DLG2: variants seen among roughly 807,000 people sequenced by gnomAD.
DLG2 encodes the protein disks large homolog 2.
In DLG2, 45 loss-of-function variants were observed where a neutral mutation model predicts 132.5. That is an observed-to-expected ratio of 0.34 (90% CI 0.27 to 0.44). The LOEUF (loss-of-function observed/expected upper bound fraction) is 0.44. DLG2 is among the 20% of genes least tolerant of loss of function. DLG2 has a pLI of 1.00. For synonymous variants in DLG2, 424 were observed against 419.6 expected, an observed-to-expected ratio of 1.01 and a Z score of -0.13; for missense variants, 1,045 against 1,196.9, an observed-to-expected ratio of 0.87 and a Z score of 1.87.
intron 6 of DLG2, among the ~76,000 whole-genome samples, chr11:85,054,955 G>A (rs530196637): frequency 4.1e-4 from 62 of 152,144 alleles, no homozygotes; most frequent in Admixed American, 4.6e-4. Flanking sequence ...CAGTACGAAC[G>A]CAGCATCATG....
chr11:83,939,479 A>G (rs2082190583), intron 14 of DLG2, among the ~76,000 whole-genome samples: 1 of 152,236 alleles, frequency 6.6e-6, no homozygotes, highest in Admixed American at 6.5e-5. Context: ...CAAAAGAGAA[A>G]GGAAAGTGTG....
chr11:84,092,309 A>G (rs974614294), intron 10 of DLG2, among the ~76,000 whole-genome samples: 1 of 152,230 alleles, frequency 6.6e-6, no homozygotes, highest in African/African-American at 2.4e-5. Context: ...AGCTGGCTCT[A>G]TAGATAACAG....
chr11:84,988,363 C>A lies in DLG2; in HGVS notation c.357+123298G>T, dbSNP rs115819137. 9.6e-3 allele frequency among the ~76,000 whole-genome samples: 1,465 copies of A among 152,246 alleles called. 23 individuals are homozygous for A. The highest frequency in any genetic ancestry group is 0.033 in the African/African-American group (1,388 of 41,534). Reference sequence around the variant, plus strand: ...TTTGATCCAGCGATCCCACTACTGGCTATCTACCCAGAGGAAAAGAAGTCG... The same window carrying A: ...TTTGATCCAGCGATCCCACTACTGGATATCTACCCAGAGGAAAAGAAGTCG... On this transcript the variant is annotated intron_variant, in intron 6 of 27. Transcript: ENST00000376104.
At chr11:85,198,031 G>A (rs964773026) in intron 4 of DLG2, among the ~76,000 whole-genome samples, 7 of 151,968 alleles carry the variant, frequency 4.6e-5, no homozygotes, top group African/African-American at 7.3e-5. Flanking sequence ...ACAGACGAAC[G>A]ACATGCATTC....
At chr11:84,738,472 T>A (rs11234153) in intron 6 of DLG2, among the ~76,000 whole-genome samples, 3,115 of 152,258 alleles carry the variant, frequency 0.02, 44 homozygotes, top group Non-Finnish European at 0.033. Flanking sequence ...CCTTCTTGAT[T>A]TCAATATACT....
chr11:84,990,283 TA>T lies in DLG2; in HGVS notation c.357+121377del, dbSNP rs569050467. ...ATGCTTTGAATGTTTGTAGCCCTCT[TA>T]AATTCATTTTGAAACTTAATCCCCA... On this transcript the variant is annotated intron_variant, in intron 6 of 27. Coordinates refer to ENST00000376104, the MANE Select transcript of DLG2 (RefSeq NM_001142699.3). 5.9e-5 allele frequency among the ~76,000 whole-genome samples: 9 copies of T among 152,358 alleles called. No homozygotes were observed. In the South Asian group the frequency reaches 1.4e-3, roughly 25 times the overall value.
chr11:84,806,377 G>T (rs1313274509), intron 6 of DLG2, among the ~76,000 whole-genome samples: 1 of 152,042 alleles, frequency 6.6e-6, no homozygotes, highest in Non-Finnish European at 1.5e-5. Flanking sequence ...TGCAGGCAAT[G>T]ATACATTATA....
At chr11:84,180,028 T>C (rs1206712037) in intron 8 of DLG2, among the ~76,000 whole-genome samples, 3 of 152,108 alleles carry the variant, frequency 2.0e-5, no homozygotes, top group Non-Finnish European at 4.4e-5. Context: ...CCAGGCATAC[T>C]AAAAATTAAA....
intron 3 of DLG2, among the ~76,000 whole-genome samples, chr11:85,463,989 T>TACACACACACACACAC (rs374003945): frequency 0.067 from 9,289 of 138,798 alleles, 336 homozygotes; most frequent in Non-Finnish European, 0.077. Flanking sequence ...GACATACATG[T>TACACACACACACACAC]ACACACACAC....
intron 6 of DLG2, among the ~76,000 whole-genome samples, chr11:84,632,685 T>C (rs1296126370): frequency 1.3e-5 from 2 of 152,222 alleles, no homozygotes; most frequent in African/African-American, 4.8e-5. Context: ...TCTAATACGC[T>C]TAAGCCATCC....
rs1481729308 is a variant in DLG2 at position 83,876,701 on chromosome 11, A to T, written c.1497-2213T>A. On this transcript the variant is annotated intron_variant, in intron 15 of 27. Coordinates refer to ENST00000376104, the MANE Select transcript of DLG2 (RefSeq NM_001142699.3). ...ATCAACAGCTTGCAAATGTGGAGCC[A>T]GAGTCCAAACTAAAGCCTACCTTAT... 2.0e-5 allele frequency among the ~76,000 whole-genome samples: 3 copies of T among 152,136 alleles called. No homozygotes were observed. In the East Asian group the frequency reaches 5.8e-4, roughly 29 times the overall value.
intron 6 of DLG2, among the ~76,000 whole-genome samples, chr11:85,033,386 C>CAAAAAAA: frequency 1.2e-5 from 1 of 80,878 alleles, no homozygotes; most frequent in Non-Finnish European, 2.6e-5. Context: ...TATATCCTAG[C>CAAAAAAA]AAAAAAAAAA....
chr11:83,696,584 T>C (rs762949914), intron 18 of DLG2, among the ~76,000 whole-genome samples: 2 of 152,252 alleles, frequency 1.3e-5, no homozygotes, highest in Middle Eastern at 6.8e-3. Flanking sequence ...TCCATAAGCA[T>C]TTACTGATGA....
At chr11:84,322,710 A>C (rs1599854820) in intron 7 of DLG2, among the ~76,000 whole-genome samples, 1 of 151,786 alleles carries the variant, frequency 6.6e-6, no homozygotes, top group African/African-American at 2.4e-5. Context: ...TTGCCTCAGC[A>C]TCCCGAGTAG....
At chr11:85,509,198 C>T (rs182382719) in intron 3 of DLG2, among the ~76,000 whole-genome samples, 7 of 152,128 alleles carry the variant, frequency 4.6e-5, no homozygotes. Context: ...CCTATCTACA[C>T]CTGAGTCCTG....
chr11:85,432,188 C>T (rs1274947512), intron 3 of DLG2, among the ~76,000 whole-genome samples: 1 of 152,166 alleles, frequency 6.6e-6, no homozygotes, highest in Non-Finnish European at 1.5e-5. Flanking sequence ...CCTCAAAGAT[C>T]GAATCTAGAC....
At chr11:85,499,493 T>C (rs1381592233) in intron 3 of DLG2, among the ~76,000 whole-genome samples, 1 of 152,078 alleles carries the variant, frequency 6.6e-6, no homozygotes, top group African/African-American at 2.4e-5. Context: ...CAGATGGATT[T>C]ACAGCCAGAT....
intron 7 of DLG2, among the ~76,000 whole-genome samples, chr11:84,254,102 G>A (rs1459021786): frequency 6.6e-6 from 1 of 152,054 alleles, no homozygotes; most frequent in African/African-American, 2.4e-5. Flanking sequence ...ACAAAAGTGT[G>A]CCTCATATCC....
intron 8 of DLG2, among the ~76,000 whole-genome samples, chr11:84,229,288 C>T (rs945178716): frequency 6.6e-6 from 1 of 152,140 alleles, no homozygotes; most frequent in Non-Finnish European, 1.5e-5. Flanking sequence ...GTTCTTCTTG[C>T]TTTGGCATCT....
Sources: gnomAD v4.1 joint callset for allele counts (sites outside exome capture counted in the v4.1 genomes callset) on GRCh38, gnomAD v4.1.1 for gene constraint, MANE v1.5 for transcripts, NCBI Gene and HGNC (gene_info 2026-07-23, HGNC 2026-07-21) for gene names.